SESTD1: variants seen among roughly 807,000 people sequenced by gnomAD.
The protein encoded by SESTD1 is SEC14 domain and spectrin repeat-containing protein 1.
SESTD1 carries 43 observed loss-of-function variants against 101.7 expected under a neutral mutation model. That is an observed-to-expected ratio of 0.42 (90% CI 0.33 to 0.55). SESTD1 has a LOEUF of 0.55. Ranked by LOEUF, SESTD1 falls within the 20% of genes least tolerant of loss-of-function variation. The probability of loss-of-function intolerance (pLI) is 0.07; values close to 1 mark genes in which losing one functional copy is unlikely to be tolerated. For missense variants in SESTD1, 647 were observed against 815.1 expected (o/e 0.79, Z 2.51); for synonymous variants, 283 against 286.8 (o/e 0.99, Z 0.13).
Position 179,121,936 on chromosome 2 carries a change from C to G in SESTD1, c.1283-7G>C. The stretch of plus-strand genomic sequence containing the variant: ...AAACCTTGCAATCCCACATCTAAAA[C>G]AAAAGTTACTAGATTTAATCTCTTA... On this transcript the variant is annotated splice_region_variant and splice_polypyrimidine_tract_variant and intron_variant, in intron 12 of 17. Transcript: ENST00000428443. 2 of 1,593,248 alleles carry G rather than the reference C, an allele frequency of 1.3e-6. No individual in the cohort carries two copies. The highest frequency in any genetic ancestry group is 1.7e-6 in the Non-Finnish European group (2 of 1,173,324).
intron 1 of SESTD1, among the ~76,000 whole-genome samples, chr2:179,242,274 G>T (rs1411013491): frequency 6.6e-6 from 1 of 152,026 alleles, no homozygotes; most frequent in Non-Finnish European, 1.5e-5. Context: ...GGAGGTAAAA[G>T]ATCCCTACAA....
chr2:179,115,806 T>C (rs530717298), intron 15 of SESTD1, among the ~76,000 whole-genome samples: 1 of 152,306 alleles, frequency 6.6e-6, no homozygotes, highest in African/African-American at 2.4e-5. Flanking sequence ...TCTGTTAGGC[T>C]TCCCCACTTT....
At chr2:179,157,526 A>C (rs899875612) in intron 5 of SESTD1, among the ~76,000 whole-genome samples, 13 of 152,150 alleles carry the variant, frequency 8.5e-5, no homozygotes, top group Admixed American at 5.9e-4. Flanking sequence ...TTAGAATCAT[A>C]GGATGATTTA....
intron 1 of SESTD1, among the ~76,000 whole-genome samples, chr2:179,201,430 C>T (rs1161816635): frequency 1.5e-5 from 2 of 129,984 alleles, no homozygotes; most frequent in Admixed American, 1.5e-4. Context: ...TGGGTATATA[C>T]CCAAAGGACT....
intron 9 of SESTD1, among the ~76,000 whole-genome samples, chr2:179,135,854 T>C (rs1454222855): frequency 1.3e-5 from 2 of 152,204 alleles, no homozygotes; most frequent in Non-Finnish European, 2.9e-5. Context: ...TATAACTTTC[T>C]ATTGGCTAAA....
intron 1 of SESTD1, among the ~76,000 whole-genome samples, chr2:179,230,663 G>A (rs1001223549): frequency 4.0e-5 from 6 of 151,800 alleles, no homozygotes; most frequent in Admixed American, 2.0e-4. Context: ...AATAATCACA[G>A]GAACAGTTGG....
chr2:179,164,291 A>T (rs1367914888), intron 5 of SESTD1, among the ~76,000 whole-genome samples: 5 of 152,212 alleles, frequency 3.3e-5, no homozygotes, highest in Non-Finnish European at 7.4e-5. Context: ...ACAATTATGT[A>T]TAGTCTCAAA....
At chr2:179,236,061 TTCC>T (rs2047061084) in intron 1 of SESTD1, among the ~76,000 whole-genome samples, 1 of 152,124 alleles carries the variant, frequency 6.6e-6, no homozygotes, top group Admixed American at 6.6e-5. Context: ...ACCATTTACC[TTCC>T]ACTCTATTAT....
chr2:179,184,990 A>G (rs2046185906), intron 2 of SESTD1, among the ~76,000 whole-genome samples: 1 of 152,190 alleles, frequency 6.6e-6, no homozygotes, highest in African/African-American at 2.4e-5. Context: ...AATGCTACAC[A>G]GAGACAAGCA....
chr2:179,205,396 T>G lies in SESTD1; in HGVS notation c.-25-13530A>C, dbSNP rs1411443152. Among the ~76,000 whole-genome samples the G allele has an allele frequency of 1.5e-5, 2 of 134,552 alleles. 1 individual carries two copies. The highest frequency in any genetic ancestry group is 5.9e-5 in the African/African-American group (2 of 34,066). The allele number at this position is 134,552 out of a possible 152,430, so 88.3% of individuals were successfully genotyped here. On this transcript the variant is annotated intron_variant, in intron 1 of 17. Transcript: ENST00000428443. ...AAAATCTATTAATATTATTGAAGATTTCCAAGTCAAATTATTGATCTTACA... is the reference window on the plus strand; with the variant it reads ...AAAATCTATTAATATTATTGAAGATGTCCAAGTCAAATTATTGATCTTACA...
At chr2:179,111,723 T>A (rs2044512031) in intron 17 of SESTD1, among the ~76,000 whole-genome samples, 1 of 150,770 alleles carries the variant, frequency 6.6e-6, no homozygotes, top group Non-Finnish European at 1.5e-5. Flanking sequence ...CTGATTCTTT[T>A]TTTTTTTTTT....
Position 179,143,606 on chromosome 2 carries a change from G to T in SESTD1, c.835C>A (p.Gln279Lys). 1 of 1,613,778 alleles carries T rather than the reference G, an allele frequency of 6.2e-7. No individual in the cohort carries two copies. The highest frequency in any genetic ancestry group is 1.3e-5 in the African/African-American group (1 of 75,002). Residue 279 changes from glutamine to lysine, a missense_variant, in exon 9 of 18, where the codon CAG becomes AAG. Gln to Lys is a moderately conservative substitution (Grantham distance 53, BLOSUM62 1). Transcript: ENST00000428443. ...SKRTQLEEIQ[Q>K]KVMQVVNWLE... Reference sequence around the variant, plus strand: ...CAGACACCTACCTGCATTACCTTCTGTTGAATCTCTTCTAACTGTGTGCGC... The same window carrying T: ...CAGACACCTACCTGCATTACCTTCTTTTGAATCTCTTCTAACTGTGTGCGC...
At chr2:179,217,583 T>A (rs769746184) in intron 1 of SESTD1, among the ~76,000 whole-genome samples, 56 of 152,306 alleles carry the variant, frequency 3.7e-4, no homozygotes, top group Non-Finnish European at 6.8e-4. Context: ...TCCTCAAGGA[T>A]CTAGAACTAG....
At chr2:179,255,317 CAGTT>C (rs1260273412) in intron 1 of SESTD1, among the ~76,000 whole-genome samples, 2 of 152,140 alleles carry the variant, frequency 1.3e-5, no homozygotes, top group Non-Finnish European at 1.5e-5. Context: ...TCTCTTGTGA[CAGTT>C]AGTCAAGCTG....
chr2:179,130,287 T>C (rs1425117043), intron 10 of SESTD1, among the ~76,000 whole-genome samples: 1 of 152,158 alleles, frequency 6.6e-6, no homozygotes, highest in African/African-American at 2.4e-5. Context: ...TCCCAGTTTT[T>C]TCATCTATAA....
chr2:179,209,544 T>C (rs2046626178), intron 1 of SESTD1, among the ~76,000 whole-genome samples: 1 of 134,896 alleles, frequency 7.4e-6, no homozygotes, highest in African/African-American at 2.9e-5. Flanking sequence ...TAGAATAAAA[T>C]TGGAAATTAA....
intron 10 of SESTD1, among the ~76,000 whole-genome samples, chr2:179,131,673 G>C (rs892397920): frequency 6.6e-6 from 1 of 152,124 alleles, no homozygotes; most frequent in Non-Finnish European, 1.5e-5. Context: ...CAGAGCAGGA[G>C]ATTAACGAAC....
chr2:179,217,826 T>C lies in SESTD1; in HGVS notation c.-25-25960A>G, dbSNP rs1008710536. Reference sequence around the variant, plus strand: ...TAAAAAAGGATGAGTTCATGTCCTTTGCAGAAACATGGATGAAGCTGGAAA... The same window carrying C: ...TAAAAAAGGATGAGTTCATGTCCTTCGCAGAAACATGGATGAAGCTGGAAA... On this transcript the variant is annotated intron_variant, in intron 1 of 17. Coordinates refer to ENST00000428443, the MANE Select transcript of SESTD1 (RefSeq NM_178123.5). Among the ~76,000 whole-genome samples the C allele has an allele frequency of 3.3e-5, 5 of 152,332 alleles. No homozygotes were observed. In the East Asian group the frequency reaches 9.6e-4, roughly 29 times the overall value.
intron 9 of SESTD1, among the ~76,000 whole-genome samples, chr2:179,142,879 TA>T (rs1439390651): frequency 6.6e-6 from 1 of 152,200 alleles, no homozygotes; most frequent in Non-Finnish European, 1.5e-5. Flanking sequence ...TTATATCCTG[TA>T]AAAAACCTAG....
Sources: gnomAD v4.1 joint callset for allele counts (sites outside exome capture counted in the v4.1 genomes callset) on GRCh38, gnomAD v4.1.1 for gene constraint, MANE v1.5 for transcripts, NCBI Gene and HGNC (gene_info 2026-07-23, HGNC 2026-07-21) for gene names.